The following DLG2 variants were observed in gnomAD, a reference collection of about 807,000 sequenced individuals.
The protein encoded by DLG2 is discs large MAGUK scaffold protein 2.
A neutral mutation model predicts 132.5 loss-of-function variants in DLG2; 45 were observed. That is an observed-to-expected ratio of 0.34 (90% CI 0.27 to 0.44). The LOEUF (loss-of-function observed/expected upper bound fraction) is 0.44, where lower values mean the gene tolerates loss of function less well. Ranked by LOEUF, DLG2 falls within the 20% of genes least tolerant of loss-of-function variation. The pLI, the probability that DLG2 is intolerant of heterozygous loss-of-function variation, is 1.00. For synonymous variants in DLG2, 424 were observed against 419.6 expected (o/e 1.01, Z -0.13); for missense variants, 1,045 against 1,196.9 (o/e 0.87, Z 1.87).
chr11:83,712,238 A>G (rs576779934), intron 18 of DLG2, among the ~76,000 whole-genome samples: 2 of 152,350 alleles, frequency 1.3e-5, no homozygotes, highest in African/African-American at 4.8e-5. Flanking sequence ...TATTCACAAT[A>G]GTAAAGACGT....
rs191238821 is a variant in DLG2 at position 84,810,552 on chromosome 11, C to T, written c.358-275821G>A. On this transcript the variant is annotated intron_variant, in intron 6 of 27. Coordinates refer to ENST00000376104, the MANE Select transcript of DLG2 (RefSeq NM_001142699.3). ...CTGGTGGGAATATAAAATGGTACAACCACTCTTGAAAACAGTGTGGAGGTT... is the reference window on the plus strand; with the variant it reads ...CTGGTGGGAATATAAAATGGTACAATCACTCTTGAAAACAGTGTGGAGGTT... Among the ~76,000 whole-genome samples the T allele has an allele frequency of 1.1e-4, 17 of 152,230 alleles. No individual in the cohort carries two copies. In the East Asian group the frequency reaches 2.5e-3, roughly 22 times the overall value.
chr11:83,863,191 T>A (rs372174926), intron 16 of DLG2, among the ~76,000 whole-genome samples: 28 of 152,216 alleles, frequency 1.8e-4, no homozygotes, highest in Admixed American at 1.8e-3. Flanking sequence ...ATAATGTGCA[T>A]GGGCTCTAGA....
intron 6 of DLG2, among the ~76,000 whole-genome samples, chr11:84,622,141 C>G (rs1448036356): frequency 6.6e-6 from 1 of 152,032 alleles, no homozygotes; most frequent in Non-Finnish European, 1.5e-5. Flanking sequence ...TTAGATTTTG[C>G]TACAAAAGCA....
chr11:84,967,882 A>C (rs1254757126), intron 6 of DLG2, among the ~76,000 whole-genome samples: 2 of 152,130 alleles, frequency 1.3e-5, no homozygotes, highest in Non-Finnish European at 2.9e-5. Context: ...CATTTTCAAT[A>C]TATTTTCTAA....
intron 6 of DLG2, among the ~76,000 whole-genome samples, chr11:84,792,077 T>C (rs771958154): frequency 1.2e-4 from 18 of 152,198 alleles, no homozygotes; most frequent in African/African-American, 1.9e-4. Flanking sequence ...GTCTGACATA[T>C]ATGACTTTTA....
chr11:85,533,516 C>T (rs973900721), intron 3 of DLG2, among the ~76,000 whole-genome samples: 4 of 150,128 alleles, frequency 2.7e-5, no homozygotes, highest in African/African-American at 7.3e-5. Context: ...AGGGTGTATA[C>T]GTACTACATT....
chr11:83,947,098 GC>G (rs143602790), intron 14 of DLG2, among the ~76,000 whole-genome samples: 4,944 of 152,240 alleles, frequency 0.032, 129 homozygotes, highest in East Asian at 0.15. Context: ...ATGTTGCTAT[GC>G]ATATATTTAA....
chr11:83,562,019 G>T (rs1278894296), intron 19 of DLG2, among the ~76,000 whole-genome samples: 3 of 150,362 alleles, frequency 2.0e-5, no homozygotes, highest in Non-Finnish European at 2.9e-5. Flanking sequence ...CTCCCGAGTA[G>T]CTGGGATTAC....
intron 3 of DLG2, 25 bp downstream of exon 3, chr11:85,598,632 G>C (rs1286823571): frequency 1.3e-6 from 2 of 1,510,416 alleles, no homozygotes; most frequent in Non-Finnish European, 1.8e-6. Flanking sequence ...CCATTAAAAT[G>C]ATGAATAACT....
At chr11:84,078,936 A>G (rs1240587760) in intron 10 of DLG2, among the ~76,000 whole-genome samples, 1 of 152,154 alleles carries the variant, frequency 6.6e-6, no homozygotes, top group Admixed American at 6.5e-5. Flanking sequence ...AAATGGAACT[A>G]TTCAACATAT....
At chr11:83,605,940 G>A (rs1016920275) in intron 19 of DLG2, among the ~76,000 whole-genome samples, 4 of 152,136 alleles carry the variant, frequency 2.6e-5, no homozygotes, top group African/African-American at 4.8e-5. Flanking sequence ...CTAAACTGTC[G>A]CTGTGATTTA....
At chr11:85,361,814 G>T (rs760109582) in intron 3 of DLG2, among the ~76,000 whole-genome samples, 4 of 152,126 alleles carry the variant, frequency 2.6e-5, no homozygotes, top group Non-Finnish European at 4.4e-5. Context: ...TGAATTTGGG[G>T]ATTGTTTTTT....
chr11:85,527,966 C>T (rs2074905943), intron 3 of DLG2, among the ~76,000 whole-genome samples: 1 of 151,898 alleles, frequency 6.6e-6, no homozygotes, highest in Admixed American at 6.6e-5. Context: ...AGCTTTTTTG[C>T]ATATGCTTGT....
intron 7 of DLG2, among the ~76,000 whole-genome samples, chr11:84,273,729 A>C (rs1477878350): frequency 6.6e-6 from 1 of 152,176 alleles, no homozygotes; most frequent in Non-Finnish European, 1.5e-5. Context: ...AGATGTCAGC[A>C]CTTGTTTGCT....
chr11:83,791,967 C>T (rs974512760), intron 17 of DLG2, among the ~76,000 whole-genome samples: 1 of 152,194 alleles, frequency 6.6e-6, no homozygotes, highest in African/African-American at 2.4e-5. Flanking sequence ...TATATTATTG[C>T]CTTTTTATTT....
chr11:85,243,234 A>C (rs1406933301), intron 4 of DLG2, among the ~76,000 whole-genome samples: 1 of 151,924 alleles, frequency 6.6e-6, no homozygotes, highest in Non-Finnish European at 1.5e-5. Context: ...AGGAGACTAG[A>C]AGCTTATGCT....
intron 3 of DLG2, among the ~76,000 whole-genome samples, chr11:85,516,993 G>A (rs1289498834): frequency 6.6e-6 from 1 of 151,806 alleles, no homozygotes; most frequent in Non-Finnish European, 1.5e-5. Flanking sequence ...CTACAGACCA[G>A]TATCCCTGAT....
chr11:85,082,265 T>G (rs1303117488), intron 6 of DLG2, among the ~76,000 whole-genome samples: 1 of 152,106 alleles, frequency 6.6e-6, no homozygotes, highest in Non-Finnish European at 1.5e-5. Context: ...TTAAAAAACC[T>G]TCAAACTAAA....
chr11:85,211,255 T>C (rs1461183312), intron 4 of DLG2, among the ~76,000 whole-genome samples: 1 of 152,130 alleles, frequency 6.6e-6, no homozygotes, highest in Non-Finnish European at 1.5e-5. Flanking sequence ...CTATGTTAAG[T>C]ACTCAGTAGA....
Sources: gnomAD v4.1 joint callset for allele counts (sites outside exome capture counted in the v4.1 genomes callset) on GRCh38, gnomAD v4.1.1 for gene constraint, MANE v1.5 for transcripts, NCBI Gene and HGNC (gene_info 2026-07-23, HGNC 2026-07-21) for gene names.